Variants in EYS observed in about 807,000 individuals in gnomAD.
EYS encodes EGF-like photoreceptor maintenance factor.
EYS carries 250 observed loss-of-function variants against 282.1 expected under a neutral mutation model. The ratio of observed to expected loss-of-function variants is 0.89; its 90% CI spans 0.80 to 0.98. The LOEUF (loss-of-function observed/expected upper bound fraction) is 0.98. EYS is among the 50% of genes least tolerant of loss of function. EYS has a pLI of 0.00. For missense variants in EYS, 4,016 were observed against 3,709.0 expected, an observed-to-expected ratio of 1.08 and a Z score of -2.15; for synonymous variants, 1,355 against 1,282.9, an observed-to-expected ratio of 1.06 and a Z score of -1.20.
At chr6:65,634,899 C>T (rs2149810172) in intron 2 of EYS, among the ~76,000 whole-genome samples, 1 of 152,248 alleles carries the variant, frequency 6.6e-6, no homozygotes, top group East Asian at 1.9e-4. Flanking sequence ...TAAATTGTGC[C>T]CAACATTAAA....
At chr6:64,961,090 T>G (rs1357751678) in intron 14 of EYS, among the ~76,000 whole-genome samples, 1 of 152,206 alleles carries the variant, frequency 6.6e-6, no homozygotes, top group Non-Finnish European at 1.5e-5. Flanking sequence ...TCTTTGCTAT[T>G]GTGAATAGTA....
intron 30 of EYS, among the ~76,000 whole-genome samples, chr6:64,242,811 A>C (rs1449601560): frequency 6.7e-6 from 1 of 148,242 alleles, no homozygotes; most frequent in African/African-American, 2.4e-5. Context: ...TTCAAAATGC[A>C]GTTCAAGTTT....
intron 12 of EYS, among the ~76,000 whole-genome samples, chr6:65,107,948 T>C (rs1240772845): frequency 6.6e-6 from 1 of 152,168 alleles, no homozygotes; most frequent in Non-Finnish European, 1.5e-5. Flanking sequence ...AATTCTTAAA[T>C]GTATCACACA....
rs1491484712 is a variant in EYS, at chr6:64,151,362, T to TATATA, written c.6425-69361_6425-69360insTATAT. 2.8e-5 allele frequency among the ~76,000 whole-genome samples: 3 copies of TATATA among 108,816 alleles called. No homozygotes were observed. In the South Asian group the frequency reaches 8.3e-4, roughly 30 times the overall value. The allele number at this position is 108,816 out of a possible 152,430, so 71.4% of individuals were successfully genotyped here. The stretch of plus-strand genomic sequence containing the variant: ...ATATATATATATATATATATATATA[T>TATATA]AATTTTTTTTTTCTTTTGAGATGGA... On this transcript the variant is annotated intron_variant, in intron 31 of 42. Coordinates refer to ENST00000503581, the MANE Select transcript of EYS (RefSeq NM_001142800.2).
At chr6:64,086,131 T>C (rs143095330) in intron 31 of EYS, among the ~76,000 whole-genome samples, 1 of 152,202 alleles carries the variant, frequency 6.6e-6, no homozygotes, top group African/African-American at 2.4e-5. Flanking sequence ...CTTTTCTACA[T>C]CTGCTGCTCC....
intron 12 of EYS, among the ~76,000 whole-genome samples, chr6:65,196,057 A>G (rs140116470): frequency 7.3e-4 from 111 of 152,138 alleles, no homozygotes; most frequent in African/African-American, 2.6e-3. Context: ...TGGATATGTA[A>G]TTTGCTAAAC....
At chr6:64,450,673 C>A (rs1357183910) in intron 26 of EYS, among the ~76,000 whole-genome samples, 4 of 152,122 alleles carry the variant, frequency 2.6e-5, no homozygotes, top group African/African-American at 4.8e-5. Flanking sequence ...GACCACAGTG[C>A]AATCAAACTA....
chr6:65,376,568 A>T (rs904343368), intron 8 of EYS, among the ~76,000 whole-genome samples: 13 of 152,204 alleles, frequency 8.5e-5, no homozygotes, highest in South Asian at 6.2e-4. Flanking sequence ...CCCAATTCAA[A>T]GACACAGAAT....
intron 19 of EYS, among the ~76,000 whole-genome samples, chr6:64,832,580 T>A (rs1415661056): frequency 6.6e-6 from 1 of 151,812 alleles, no homozygotes; most frequent in Non-Finnish European, 1.5e-5. Flanking sequence ...TAGGATAGGT[T>A]GCATGTTAAA....
At chr6:64,999,535 C>G (rs186699056) in intron 13 of EYS, among the ~76,000 whole-genome samples, 2 of 152,264 alleles carry the variant, frequency 1.3e-5, no homozygotes, top group African/African-American at 2.4e-5. Context: ...TACGTGAGGA[C>G]GGCACTCCTG....
intron 28 of EYS, among the ~76,000 whole-genome samples, chr6:64,424,973 C>A (rs943932598): frequency 1.3e-5 from 2 of 152,122 alleles, no homozygotes; most frequent in Non-Finnish European, 2.9e-5. Context: ...AGAGGCCACA[C>A]GGAACCAATG....
At chr6:65,454,487 G>T (rs1764529428) in intron 5 of EYS, among the ~76,000 whole-genome samples, 2 of 151,106 alleles carry the variant, frequency 1.3e-5, no homozygotes, top group African/African-American at 2.4e-5. Context: ...TTCCTTTTCT[G>T]TGTAAATGCA....
chr6:65,517,334 A>C (rs1767175782), intron 2 of EYS, among the ~76,000 whole-genome samples: 2 of 111,684 alleles, frequency 1.8e-5, no homozygotes, highest in Non-Finnish European at 3.5e-5. Flanking sequence ...TTTTTTCAAA[A>C]CAACAACAAA....
intron 11 of EYS, among the ~76,000 whole-genome samples, chr6:65,327,494 T>G (rs1412259517): frequency 2.6e-5 from 4 of 151,700 alleles, no homozygotes; most frequent in Non-Finnish European, 5.9e-5. Context: ...TCTATTATAC[T>G]TTTAAAGGTG....
intron 2 of EYS, among the ~76,000 whole-genome samples, chr6:65,544,535 G>A (rs780611043): frequency 1.3e-5 from 2 of 151,958 alleles, no homozygotes; most frequent in Non-Finnish European, 2.9e-5. Flanking sequence ...ACTTCTCCTT[G>A]CTGTCACCAT....
At chr6:65,299,254 G>A (rs1319204912) in intron 11 of EYS, among the ~76,000 whole-genome samples, 1 of 151,832 alleles carries the variant, frequency 6.6e-6, no homozygotes, top group Non-Finnish European at 1.5e-5. Context: ...CAAAGTTACT[G>A]GTCATTTACC....
chr6:63,896,963 A>G (rs564390354), intron 35 of EYS, among the ~76,000 whole-genome samples: 30 of 152,336 alleles, frequency 2.0e-4, no homozygotes, highest in African/African-American at 7.0e-4. Context: ...ACTGCTTCCA[A>G]GTTTTGGAAA....
Position 65,115,958 on chromosome 6 carries a change from GTCTA to G in EYS, c.2024-58235_2024-58232del, listed in dbSNP as rs1775359107. On this transcript the variant is annotated intron_variant, in intron 12 of 42. Transcript: ENST00000503581. The stretch of plus-strand genomic sequence containing the variant: ...AATAACTATGTCTGTCTGTCTGTCT[GTCTA>G]TCTAATCTATCTATCTATCTATCTA... Among the ~76,000 whole-genome samples, 4 of 136,334 alleles carry G rather than the reference GTCTA, an allele frequency of 2.9e-5. No individual in the cohort carries two copies. The South Asian group carries it at 7.0e-4, about 24-fold the overall frequency. 89.4% of individuals were successfully genotyped at this position (136,334 alleles called of 152,430 possible).
At chr6:65,628,631 G>T (rs892226733) in intron 2 of EYS, among the ~76,000 whole-genome samples, 8 of 151,846 alleles carry the variant, frequency 5.3e-5, no homozygotes, top group Admixed American at 2.0e-4. Context: ...CGGGAGGAAC[G>T]AACAACTCCA....
Sources: allele counts gnomAD v4.1 joint callset (sites outside exome capture counted in the v4.1 genomes callset), GRCh38; gene constraint gnomAD v4.1.1; transcripts MANE v1.5; gene names NCBI Gene and HGNC (gene_info 2026-07-23, HGNC 2026-07-21).